Variants in C11orf65 observed in about 807,000 individuals in gnomAD.
The protein encoded by C11orf65 is chromosome 11 open reading frame 65.
C11orf65 carries 38 observed loss-of-function variants against 35.3 expected under a neutral mutation model. The observed-to-expected ratio is 1.08, with a 90% CI of 0.83 to 1.41. The LOEUF (loss-of-function observed/expected upper bound fraction) is 1.41, where lower values mean the gene tolerates loss of function less well. C11orf65 is among the 40% of genes most tolerant of loss of function. The pLI is 0.00. For synonymous variants in C11orf65, 105 were observed against 114.4 expected, an observed-to-expected ratio of 0.92 and a Z score of 0.53; for missense variants, 370 against 367.1, an observed-to-expected ratio of 1.01 and a Z score of -0.06.
intron 2 of C11orf65, among the ~76,000 whole-genome samples, chr11:108,362,186 A>G (rs1191077349): frequency 1.4e-5 from 2 of 145,002 alleles, no homozygotes; most frequent in Non-Finnish European, 3.0e-5. Flanking sequence ...CAGCCAAAAA[A>G]CACATGAAAA....
chr11:108,462,879 G>A lies in C11orf65; in HGVS notation c.-9-1311C>T, dbSNP rs573508566. 8.7e-4 allele frequency among the ~76,000 whole-genome samples: 133 copies of A among 152,264 alleles called. 1 individual carries two copies. Among genetic ancestry groups the A allele is most frequent in the Non-Finnish European group, 1.6e-3 (108 of 68,028 alleles). On this transcript the variant is annotated intron_variant, in intron 1 of 8. Transcript: ENST00000393084. The stretch of plus-strand genomic sequence containing the variant: ...TCATGCCTGTAATCCCATGGTTTTG[G>A]GAGGCCAAGGCAGGAGGATTTCTTG...
chr11:108,407,922 ACT>A (rs1425946392), intron 3 of C11orf65, among the ~76,000 whole-genome samples: 3 of 114,066 alleles, frequency 2.6e-5, no homozygotes, highest in Non-Finnish European at 5.3e-5. Context: ...ACAGAGCAAG[ACT>A]CTGTCTCAAA....
intron 7 of C11orf65, among the ~76,000 whole-genome samples, chr11:108,387,832 C>T (rs2092048845): frequency 6.6e-6 from 1 of 152,198 alleles, no homozygotes; most frequent in African/African-American, 2.4e-5. Context: ...TTGGCCTATC[C>T]AACAGTATTT....
chr11:108,392,551 G>A (rs2092191831), intron 7 of C11orf65, among the ~76,000 whole-genome samples: 1 of 152,130 alleles, frequency 6.6e-6, no homozygotes, highest in South Asian at 2.1e-4. Flanking sequence ...TGGATCACAT[G>A]TCAGCTCTAT....
intron 2 of C11orf65, among the ~76,000 whole-genome samples, chr11:108,341,692 C>T (rs1359945051): frequency 1.3e-5 from 2 of 152,022 alleles, no homozygotes; most frequent in Non-Finnish European, 1.5e-5. Context: ...CAAAAAGGAT[C>T]ATTTTAATAT....
intron 3 of C11orf65, among the ~76,000 whole-genome samples, chr11:108,427,455 G>C (rs61913874): frequency 1 from 151,474 of 151,476 alleles, 75,736 homozygotes; most frequent in Middle Eastern, 1. Flanking sequence ...GGCGCGGGCT[G>C]ACGCCTGTAA....
rs1466545116 is a variant in C11orf65, at chr11:108,312,509, G to C, written c.641-3438C>G. On this transcript the variant is annotated intron_variant, in intron 6 of 6. Coordinates refer to the C11orf65 transcript ENST00000525729. ...GGAATAAGTTTACAGGTAAATATTA[G>C]AGGCTCTATTATTTATGACAGTATT... 1.3e-5 allele frequency: 20 copies of C among 1,521,128 alleles called. No individual in the cohort carries two copies. Among genetic ancestry groups the C allele is most frequent in the Non-Finnish European group, 1.8e-5 (20 of 1,095,964 alleles). The allele number at this position is 1,521,128 out of a possible 1,614,324, so 94.2% of individuals were successfully genotyped here.
chr11:108,440,552 A>C (rs982434741), intron 2 of C11orf65, among the ~76,000 whole-genome samples: 8 of 152,186 alleles, frequency 5.3e-5, no homozygotes, highest in Admixed American at 5.2e-4. Flanking sequence ...GTATCTGCTT[A>C]AGTGGGCTGT....
rs2086540615 is a variant in C11orf65, at chr11:108,333,868, C to G, written c.299+1352G>C. On this transcript the variant is annotated intron_variant, in intron 3 of 3. Transcript: ENST00000524755. ...GTTCCTCAGTTTGTCACTAAAATCTCTTCATTTTTAAATACAGAAGGCATA... is the reference window on the plus strand; with the variant it reads ...GTTCCTCAGTTTGTCACTAAAATCTGTTCATTTTTAAATACAGAAGGCATA... 2.5e-6 allele frequency: 4 copies of G among 1,575,742 alleles called. No individual in the cohort carries two copies. The highest frequency in any genetic ancestry group is 3.5e-6 in the Non-Finnish European group (4 of 1,145,254).
At chr11:108,452,681 C>G (rs1281189151) in intron 2 of C11orf65, among the ~76,000 whole-genome samples, 1 of 152,086 alleles carries the variant, frequency 6.6e-6, no homozygotes, top group African/African-American at 2.4e-5. Context: ...AATCATGCTG[C>G]TATAAAGACA....
At chr11:108,421,451 T>G (rs1401836573) in intron 3 of C11orf65, among the ~76,000 whole-genome samples, 1 of 151,920 alleles carries the variant, frequency 6.6e-6, no homozygotes, top group Non-Finnish European at 1.5e-5. Context: ...AGGTCAGGAG[T>G]TCGAGACCAG....
At chr11:108,330,228 T>G (rs765548443), downstream of C11orf65, 1 of 1,614,132 alleles carries the variant, frequency 6.2e-7, no homozygotes, top group Non-Finnish European at 8.5e-7. Flanking sequence ...ACAGTAAAGG[T>G]TCAGCGAGAG....
downstream of C11orf65, chr11:108,329,438 ACT>A: frequency 1.7e-6 from 1 of 573,304 alleles, no homozygotes; most frequent in Non-Finnish European, 3.1e-6. Context: ...ACAAGGTCTC[ACT>A]CTGTCACCCA....
At position 108,332,363 on chromosome 11, in the gene C11orf65, C is replaced by T. The variant is rs1279590916; in HGVS notation, c.300-796G>A. Among the ~76,000 whole-genome samples the T allele has an allele frequency of 4.6e-5, 7 of 152,128 alleles. No individual in the cohort carries two copies. In the South Asian group the frequency reaches 6.2e-4, roughly 14 times the overall value. On this transcript the variant is annotated intron_variant, in intron 3 of 3. Transcript: ENST00000524755. ...AGGAGAATCACTTGAACTCGGGAGG[C>T]GGAGGTTGCAGTGAGCCAAGGTTGC...
intron 2 of C11orf65, among the ~76,000 whole-genome samples, chr11:108,435,767 C>G (rs1330607039): frequency 1.3e-5 from 2 of 152,016 alleles, no homozygotes; most frequent in Admixed American, 1.3e-4. Flanking sequence ...TTTGTTTTCT[C>G]CTGCTCCCAT....
chr11:108,414,369 T>C (rs1022466836), intron 3 of C11orf65, among the ~76,000 whole-genome samples: 4 of 151,508 alleles, frequency 2.6e-5, no homozygotes, highest in Non-Finnish European at 5.9e-5. Flanking sequence ...AGAAACAAAA[T>C]AGAGGTCATC....
chr11:108,347,444 T>C (rs2088585179), intron 2 of C11orf65: 3 of 1,175,680 alleles, frequency 2.6e-6, no homozygotes, highest in South Asian at 1.3e-5. Flanking sequence ...TACCAAGATA[T>C]TACAAATATA....
At chr11:108,420,830 G>A (rs1273410060) in intron 3 of C11orf65, among the ~76,000 whole-genome samples, 2 of 151,906 alleles carry the variant, frequency 1.3e-5, no homozygotes, top group East Asian at 3.9e-4. Context: ...GCCCTGGCTG[G>A]TGTCAAACTC....
chr11:108,443,494 C>T (rs979849250), intron 2 of C11orf65, among the ~76,000 whole-genome samples: 4 of 152,174 alleles, frequency 2.6e-5, no homozygotes, highest in Non-Finnish European at 1.5e-5. Flanking sequence ...ATCTACAGAA[C>T]TCTCCACCCC....
Sources: gnomAD v4.1 joint callset for allele counts (sites outside exome capture counted in the v4.1 genomes callset) on GRCh38, gnomAD v4.1.1 for gene constraint, MANE v1.5 for transcripts, NCBI Gene and HGNC (gene_info 2026-07-23, HGNC 2026-07-21) for gene names.